Variants in SERPINA3 observed in about 807,000 individuals in gnomAD.
SERPINA3 encodes the protein alpha-1-antichymotrypsin.
Under a neutral mutation model 26.8 loss-of-function variants are expected in SERPINA3, and 32 were observed. The ratio of observed to expected loss-of-function variants is 1.20; its 90% confidence interval spans 0.90 to 1.61. The LOEUF (loss-of-function observed/expected upper bound fraction) is 1.61. SERPINA3 is among the 40% of genes most tolerant of loss of function. The probability of loss-of-function intolerance (pLI) is 0.00; values close to 1 mark genes in which losing one functional copy is unlikely to be tolerated. For missense variants in SERPINA3, 632 were observed against 517.9 expected, an observed-to-expected ratio of 1.22 and a Z score of -2.14; for synonymous variants, 252 against 206.4, an observed-to-expected ratio of 1.22 and a Z score of -1.89.
At chr14:94,617,973 A>G (rs547272882) in intron 2 of SERPINA3, 1 of 152,264 alleles carries the variant, frequency 6.6e-6, no homozygotes, top group Non-Finnish European at 1.5e-5. Context: ...AGGTACACAC[A>G]AAAATAAGCT....
intron 3 of SERPINA3, among the ~76,000 whole-genome samples, chr14:94,621,283 T>A (rs1886193452): frequency 6.6e-6 from 1 of 152,150 alleles, no homozygotes; most frequent in Admixed American, 6.5e-5. Flanking sequence ...CAGCAGATAA[T>A]TTTGAGTGGA....
At position 94,615,029 on chromosome 14, in the gene SERPINA3, C is replaced by A. The variant is rs1311909010; in HGVS notation, c.588C>A (p.Ile196=). The A allele has an allele frequency of 6.2e-7, 1 of 1,614,176 alleles. No individual in the cohort carries two copies. The highest frequency in any genetic ancestry group is 1.1e-5 in the South Asian group (1 of 91,074). The change falls in exon 2 of 5, where the codon ATC becomes ATA. Residue 196 remains isoleucine (I), a synonymous_variant. Coordinates refer to ENST00000393078, the MANE Select transcript of SERPINA3 (RefSeq NM_001085.5). ...CTAGGGGGAAAATCACAGATCTGAT[C>A]AAGGACCTTGACTCGCAGACAATGA... ...NGTRGKITDL[I]KDLDSQTMMV...
In SERPINA3 at chr14:94,623,688, C is replaced by T. The variant is rs1886290496; in HGVS notation, c.1146C>T (p.Leu382=). Residue 382 remains leucine, a synonymous_variant, in exon 5 of 5, where the codon CTC becomes CTT. Coordinates refer to ENST00000393078, the MANE Select transcript of SERPINA3 (RefSeq NM_001085.5). ...ASAATAVKIT[L]LSALVETRTI... ...CTGCCACAGCAGTCAAAATCACCCT[C>T]CTTTCTGCATTAGTGGAGACAAGGA... The T allele has an allele frequency of 2.5e-6, 4 of 1,614,202 alleles. No individual in the cohort carries two copies.
chr14:94,616,024 C>T (rs114797110), intron 2 of SERPINA3, among the ~76,000 whole-genome samples: 1 of 152,182 alleles, frequency 6.6e-6, no homozygotes, highest in African/African-American at 2.4e-5. Flanking sequence ...ACTTCCCCTC[C>T]TGGGCCTGGG....
chr14:94,622,126 G>C (rs1473780574), intron 3 of SERPINA3, among the ~76,000 whole-genome samples: 2 of 152,198 alleles, frequency 1.3e-5, no homozygotes, highest in Non-Finnish European at 2.9e-5. Context: ...GGCTTGGTGT[G>C]CTGCCTGGAG....
chr14:94,623,601 G>C lies in SERPINA3; in HGVS notation c.1069-10G>C, dbSNP rs1886285056. 2 of 1,613,370 alleles carry C rather than the reference G, an allele frequency of 1.2e-6. No homozygotes were observed. The highest frequency in any genetic ancestry group is 1.7e-5 in the Admixed American group (1 of 60,010). ...TGTTTCCCGTGTGTAATGTTCTGCT[G>C]TCCCCACAGGTGGTCCATAAGGCTG... is the stretch of plus-strand genomic sequence containing the variant. On this transcript the variant is annotated splice_polypyrimidine_tract_variant and intron_variant, in intron 4 of 4. Transcript: ENST00000393078.
chr14:94,612,686 C>CG (rs1566845380), intron 1 of SERPINA3, among the ~76,000 whole-genome samples: 1 of 152,194 alleles, frequency 6.6e-6, no homozygotes, highest in Non-Finnish European at 1.5e-5. Flanking sequence ...CCTGGGGCCT[C>CG]TATGGTCATT....
At chr14:94,618,918 A>C in intron 2 of SERPINA3, 2 of 524,024 alleles carry the variant, frequency 3.8e-6, no homozygotes, top group Non-Finnish European at 3.5e-6. Flanking sequence ...ACTTTCCCTA[A>C]ACCTTCTTTC....
In SERPINA3 at chr14:94,614,529, G is replaced by A; in HGVS notation, c.88G>A (p.Asp30Asn). The A allele has an allele frequency of 6.2e-7, 1 of 1,613,930 alleles. No homozygotes were observed. The highest frequency in any genetic ancestry group is 1.3e-5 in the African/African-American group (1 of 75,014). ...CCTCTGCCACCCTAACAGCCCACTT[G>A]ACGAGGAGAATCTGACCCAGGAGAA... is the stretch of plus-strand genomic sequence containing the variant. ...AVLCHPNSPLDEENLTQENQD... is the reference protein window; with the variant it reads ...AVLCHPNSPLNEENLTQENQD... The change falls in exon 2 of 5, where the codon GAC becomes AAC. Residue 30 changes from aspartate (D) to asparagine (N), a missense_variant. Asp to Asn is a conservative substitution (Grantham distance 23, BLOSUM62 1). Transcript: ENST00000393078.
At chr14:94,619,500 T>C (rs1241601195) in intron 3 of SERPINA3, 32 bp downstream of exon 3, 1 of 1,613,114 alleles carries the variant, frequency 6.2e-7, no homozygotes. Context: ...AGACCCCACA[T>C]CTCTCCACGT....
rs199725647 is a variant in SERPINA3, at chr14:94,622,408, C to T, written c.985C>T (p.Leu329Phe). 6.5e-5 allele frequency: 105 copies of T among 1,613,960 alleles called. 1 individual carries two copies. In the South Asian group the frequency reaches 9.8e-4, roughly 15 times the overall value. Residue 329 changes from leucine (L) to phenylalanine (F), a missense_variant, in exon 4 of 5, where the codon CTC becomes TTC. Physicochemically the swap from Leu to Phe is conservative, Grantham distance 22. Transcript: ENST00000393078. The stretch of plus-strand genomic sequence containing the variant: ...GGACTATAACCTGAACGACATACTT[C>T]TCCAGCTGGGCATTGAGGAAGCCTT... The part of the protein sequence containing the change: ...SRDYNLNDIL[L>F]QLGIEEAFTS...
In SERPINA3 at chr14:94,623,765, C is replaced by A. The variant is rs747326398; in HGVS notation, c.1223C>A (p.Thr408Asn). ...CTGATGATCATTGTCCCTACAGACA[C>A]CCAGAACATCTTCTTCATGAGCAAA... ...PFLMIIVPTD[T>N]QNIFFMSKVT... Residue 408 changes from threonine to asparagine, a missense_variant, in exon 5 of 5, where the codon ACC (threonine) becomes AAC (asparagine). Coordinates refer to ENST00000393078, the MANE Select transcript of SERPINA3 (RefSeq NM_001085.5). 1.2e-6 allele frequency: 2 copies of A among 1,614,140 alleles called. No individual in the cohort carries two copies. The highest frequency in any genetic ancestry group is 4.5e-5 in the East Asian group (2 of 44,846).
intron 3 of SERPINA3, 91 bp downstream of exon 3, chr14:94,619,559 C>A: frequency 6.7e-7 from 1 of 1,486,468 alleles, no homozygotes; most frequent in Non-Finnish European, 9.3e-7. Context: ...TGGGAGAACT[C>A]ATACAGGGAC....
intron 2 of SERPINA3, among the ~76,000 whole-genome samples, chr14:94,615,814 C>A (rs188595425): frequency 6.6e-6 from 1 of 152,334 alleles, no homozygotes; most frequent in East Asian, 1.9e-4. Flanking sequence ...ATGCAAACCT[C>A]AGCCTGCAAG....
intron 3 of SERPINA3, 65 bp downstream of exon 3, chr14:94,619,533 G>C (rs1457589938): frequency 2.6e-5 from 42 of 1,594,560 alleles, no homozygotes; most frequent in Non-Finnish European, 3.5e-5. Context: ...AATGTCCAGG[G>C]ACAAGGGCAT....
In SERPINA3 at chr14:94,619,276, C is replaced by T. The variant is rs1359754476; in HGVS notation, c.725C>T (p.Pro242Leu). 6.2e-7 allele frequency: 1 copy of T among 1,613,996 alleles called. No homozygotes were observed. The highest frequency in any genetic ancestry group is 1.3e-5 in the African/African-American group (1 of 74,892). Reference protein sequence around the residue: ...YLSKKKWVMVPMMSLHHLTIP... With the variant: ...YLSKKKWVMVLMMSLHHLTIP... The stretch of plus-strand genomic sequence containing the variant: ...AGCAAGAAAAAGTGGGTAATGGTGC[C>T]CATGATGAGTTTGCATCACCTGACT... The change falls in exon 3 of 5, where the codon CCC (proline) becomes CTC (leucine). Residue 242 changes from proline (P) to leucine (L), a missense_variant. Transcript: ENST00000393078.
At position 94,615,032 on chromosome 14, in the gene SERPINA3, G is replaced by T. The variant is rs561175087; in HGVS notation, c.591G>T (p.Lys197Asn). The T allele has an allele frequency of 6.2e-7, 1 of 1,614,190 alleles. No homozygotes were observed. Among genetic ancestry groups the T allele is most frequent in the South Asian group, 1.1e-5 (1 of 91,082 alleles). The change falls in exon 2 of 5, where the codon AAG becomes AAT. Residue 197 changes from lysine to asparagine, a missense_variant. Coordinates refer to ENST00000393078, the MANE Select transcript of SERPINA3 (RefSeq NM_001085.5). ...GGGGGAAAATCACAGATCTGATCAA[G>T]GACCTTGACTCGCAGACAATGATGG... ...GTRGKITDLIKDLDSQTMMVL... is the reference protein window; with the variant it reads ...GTRGKITDLINDLDSQTMMVL...
At position 94,614,805 on chromosome 14, in the gene SERPINA3, C is replaced by T; in HGVS notation, c.364C>T (p.Leu122Phe). 6.2e-7 allele frequency: 1 copy of T among 1,614,172 alleles called. No individual in the cohort carries two copies. The change falls in exon 2 of 5, where the codon CTC becomes TTC. Residue 122 changes from leucine (L) to phenylalanine (F), a missense_variant. Coordinates refer to ENST00000393078, the MANE Select transcript of SERPINA3 (RefSeq NM_001085.5). ...EAEIHQSFQH[L>F]LRTLNQSSDE... ...AGAAATTCACCAGAGCTTCCAGCACCTCCTGCGCACCCTCAATCAGTCCAG... is the reference window on the plus strand; with the variant it reads ...AGAAATTCACCAGAGCTTCCAGCACTTCCTGCGCACCCTCAATCAGTCCAG...
At chr14:94,619,936 G>A (rs1886139453) in intron 3 of SERPINA3, 1 of 195,422 alleles carries the variant, frequency 5.1e-6, no homozygotes, top group African/African-American at 2.3e-5. Flanking sequence ...TGCACCCTGA[G>A]AGTAAATCAG....
Sources: gnomAD v4.1 joint callset for allele counts (sites outside exome capture counted in the v4.1 genomes callset) on GRCh38, gnomAD v4.1.1 for gene constraint, MANE v1.5 for transcripts, NCBI Gene and HGNC (gene_info 2026-07-23, HGNC 2026-07-21) for gene names.